GFM1: variants seen among roughly 807,000 people sequenced by gnomAD.
GFM1 encodes the protein G elongation factor mitochondrial 1.
A neutral mutation model predicts 96.2 loss-of-function variants in GFM1; 62 were observed. The ratio of observed to expected loss-of-function variants is 0.64; its 90% CI spans 0.53 to 0.80. The LOEUF is 0.80. GFM1 is among the 30% of genes least tolerant of loss of function. The probability of loss-of-function intolerance (pLI) is 0.00; values close to 1 mark genes in which losing one functional copy is unlikely to be tolerated. For missense variants in GFM1, 852 were observed against 916.6 expected (o/e 0.93, Z 0.91); for synonymous variants, 282 against 312.9 (o/e 0.90, Z 1.04).
chr3:158,667,132 AT>A, intron 13 of GFM1: 1 of 1,451,488 alleles, frequency 6.9e-7, no homozygotes, highest in African/African-American at 1.5e-5. Context: ...CAAAAATTAC[AT>A]TTAATTTTGA....
At chr3:158,683,403 A>G (rs1576788736) in intron 14 of GFM1, among the ~76,000 whole-genome samples, 2 of 152,370 alleles carry the variant, frequency 1.3e-5, no homozygotes, top group Middle Eastern at 6.8e-3. Flanking sequence ...AAGTGACTGA[A>G]TTAATAAAAA....
At chr3:158,655,434 A>T (rs1442487576) in intron 8 of GFM1, among the ~76,000 whole-genome samples, 1 of 151,592 alleles carries the variant, frequency 6.6e-6, no homozygotes, top group African/African-American at 2.4e-5. Flanking sequence ...CAGTGAGCCG[A>T]GATCGCACCA....
rs374348254 is a variant in GFM1, at chr3:158,670,242, A to C, written c.1601+3856A>C. ...TTGACAGTTGTGTATAATCTTTAAA[A>C]TTTCCCTTCCCCATTACTGAAAGAT... On this transcript the variant is annotated intron_variant, in intron 13 of 17. Transcript: ENST00000486715. Among the ~76,000 whole-genome samples the C allele has an allele frequency of 5.3e-5, 8 of 152,306 alleles. 1 individual carries two copies. Among genetic ancestry groups the C allele is most frequent in the East Asian group, 3.9e-4 (2 of 5,186 alleles).
chr3:158,670,918 G>GT (rs1560138445), intron 13 of GFM1: 1 of 1,467,598 alleles, frequency 6.8e-7, no homozygotes, highest in East Asian at 2.6e-5. Flanking sequence ...GGGTGATAGA[G>GT]TGAGACCCTG....
intron 13 of GFM1, chr3:158,666,656 T>A: frequency 1.9e-6 from 3 of 1,613,468 alleles, no homozygotes; most frequent in Non-Finnish European, 1.7e-6. Context: ...TTATTCCAGT[T>A]GTACTTCCTT....
chr3:158,687,191 T>C (rs1317792982), intron 15 of GFM1, among the ~76,000 whole-genome samples: 1 of 151,994 alleles, frequency 6.6e-6, no homozygotes, highest in Non-Finnish European at 1.5e-5. Context: ...TATTATTTTT[T>C]GTAGAGGTGG....
In GFM1 at chr3:158,653,301, C is replaced by A; in HGVS notation, c.841-9C>A. On this transcript the variant is annotated splice_polypyrimidine_tract_variant and intron_variant, in intron 6 of 17. Coordinates refer to ENST00000486715, the MANE Select transcript of GFM1 (RefSeq NM_024996.7). ...ACATTAACTACCATTAAATTGTTTT[C>A]TTTTGTAGCTAGCAATTCGAAGAGC... 6.2e-7 allele frequency: 1 copy of A among 1,609,564 alleles called. No individual in the cohort carries two copies. The highest frequency in any genetic ancestry group is 1.7e-4 in the Middle Eastern group (1 of 6,052).
intron 8 of GFM1, chr3:158,656,602 T>TAAG (rs34850894): frequency 0.58 from 87,613 of 151,782 alleles, 26,086 homozygotes; most frequent in African/African-American, 0.73. Flanking sequence ...AGCCAACACT[T>TAAG]GAGGGGGGAA....
chr3:158,660,759 A>G lies in GFM1; in HGVS notation c.1222-115A>G, dbSNP rs1576747939. 3 of 837,380 alleles carry G rather than the reference A, an allele frequency of 3.6e-6. No homozygotes were observed. The East Asian group carries it at 7.4e-5, about 21-fold the overall frequency. The allele number at this position is 837,380 out of a possible 1,614,324, so 51.9% of individuals were successfully genotyped here. On this transcript the variant is annotated intron_variant, in intron 9 of 17. Transcript: ENST00000486715. Reference sequence around the variant, plus strand: ...AATTCACTATAGAATTCAAGCAGAGAGATTCTGCCACGCTTTTTTATATAC... The same window carrying G: ...AATTCACTATAGAATTCAAGCAGAGGGATTCTGCCACGCTTTTTTATATAC...
At position 158,657,219 on chromosome 3, in the gene GFM1, TTA is replaced by T. The variant is rs1206208798; in HGVS notation, c.1084-1702_1084-1701del. 3.9e-4 allele frequency: 60 copies of T among 152,266 alleles called. 1 individual carries two copies. The highest frequency in any genetic ancestry group is 2.0e-4 in the Admixed American group (3 of 15,282). 9.4% of individuals were successfully genotyped at this position (152,266 alleles called of 1,614,324 possible). A position where few individuals can be genotyped will look rare whatever the true frequency, so the allele number is the denominator to read the frequency against. ...CAAAATGAGGGGAAAATTTTTTTAATTAAAAAGTGGAAATAACATTACAGTAA... is the reference window on the plus strand; with the variant it reads ...CAAAATGAGGGGAAAATTTTTTTAATAAAAGTGGAAATAACATTACAGTAA... On this transcript the variant is annotated intron_variant, in intron 8 of 17. Transcript: ENST00000486715.
At position 158,690,314 on chromosome 3, in the gene GFM1, G is replaced by C. The variant is rs1726209494; in HGVS notation, c.2061G>C (p.Leu687=). Reference sequence around the variant, plus strand: ...ATGGAGTTGAGGACTATTTTACACTGTATGCAGATGTAAGTAGTCTTGGTC... The same window carrying C: ...ATGGAGTTGAGGACTATTTTACACTCTATGCAGATGTAAGTAGTCTTGGTC... ...GQDGVEDYFT[L]YADVPLNDMF... The change falls in exon 16 of 18, where the codon CTG becomes CTC. Residue 687 remains leucine, a synonymous_variant. Transcript: ENST00000486715. The C allele has an allele frequency of 1.1e-5, 17 of 1,613,554 alleles. No individual in the cohort carries two copies. Among genetic ancestry groups the C allele is most frequent in the Non-Finnish European group, 1.4e-5 (16 of 1,179,512 alleles).
chr3:158,676,311 G>T (rs1223365287), intron 13 of GFM1, among the ~76,000 whole-genome samples: 1 of 126,032 alleles, frequency 7.9e-6, no homozygotes, highest in African/African-American at 3.6e-5. Flanking sequence ...CTGTCTTCTG[G>T]TTTTCTCTTT....
chr3:158,659,781 G>A (rs1189735271), intron 9 of GFM1, among the ~76,000 whole-genome samples: 2 of 152,112 alleles, frequency 1.3e-5, no homozygotes, highest in South Asian at 2.1e-4. Context: ...AAATCTTAAC[G>A]AATTTTTTGG....
chr3:158,664,060 T>C (rs2108047520), intron 11 of GFM1, among the ~76,000 whole-genome samples: 1 of 152,340 alleles, frequency 6.6e-6, no homozygotes, highest in East Asian at 1.9e-4. Flanking sequence ...TTAACCTCTC[T>C]GTACCTCATT....
intron 13 of GFM1, among the ~76,000 whole-genome samples, chr3:158,676,741 C>T (rs986173600): frequency 2.0e-5 from 3 of 151,098 alleles, no homozygotes; most frequent in African/African-American, 4.9e-5. Context: ...CTCTTATCAC[C>T]CAGGCTGGAG....
chr3:158,655,839 A>G (rs1009506390), intron 8 of GFM1: 14 of 457,268 alleles, frequency 3.1e-5, no homozygotes, highest in South Asian at 6.2e-5. Flanking sequence ...CTCACTAGAC[A>G]GAAGGACCAC....
chr3:158,661,071 A>G (rs1723165933), intron 10 of GFM1, 96 bp downstream of exon 10: 4 of 973,200 alleles, frequency 4.1e-6, no homozygotes, highest in Middle Eastern at 2.8e-4. Flanking sequence ...CAACCACAGA[A>G]GTTTTCGTTG....
chr3:158,658,422 C>T (rs1409799871), intron 8 of GFM1, among the ~76,000 whole-genome samples: 1 of 152,164 alleles, frequency 6.6e-6, no homozygotes, highest in Non-Finnish European at 1.5e-5. Context: ...GCCTCTGCCT[C>T]CCAGAGTGCT....
chr3:158,684,444 C>T, intron 14 of GFM1, 80 bp from the exon 15 acceptor site: 1 of 1,428,718 alleles, frequency 7.0e-7, no homozygotes, highest in Non-Finnish European at 9.9e-7. Flanking sequence ...CACTTCTGAA[C>T]ACAAATATTT....
Sources: allele counts gnomAD v4.1 joint callset (sites outside exome capture counted in the v4.1 genomes callset), GRCh38; gene constraint gnomAD v4.1.1; transcripts MANE v1.5; gene names NCBI Gene and HGNC (gene_info 2026-07-23, HGNC 2026-07-21).